The following PROM1 variants were observed in gnomAD, a reference collection of about 807,000 sequenced individuals.
The protein encoded by PROM1 is prominin-1.
PROM1 carries 105 observed loss-of-function variants against 116.9 expected under a neutral mutation model. The observed-to-expected ratio is 0.90, with a 90% confidence interval of 0.77 to 1.06. PROM1 has a LOEUF of 1.06. Ranked by LOEUF, PROM1 falls within the 50% of genes least tolerant of loss-of-function variation. The probability of loss-of-function intolerance (pLI) is 0.00; values close to 1 mark genes in which losing one functional copy is unlikely to be tolerated. For missense variants in PROM1, 1,122 were observed against 1,045.2 expected, an observed-to-expected ratio of 1.07 and a Z score of -1.01; for synonymous variants, 393 against 387.0, an observed-to-expected ratio of 1.02 and a Z score of -0.18.
At chr4:15,989,891 C>A in intron 18 of PROM1, 67 bp from the exon 19 acceptor site, 1 of 1,307,372 alleles carries the variant, frequency 7.6e-7, no homozygotes. Context: ...TCGCTATCCT[C>A]AGGGGCCCTG....
chr4:16,075,770 G>A lies in PROM1; in HGVS notation c.137C>T (p.Ser46Phe). 1 of 1,613,838 alleles carries A rather than the reference G, an allele frequency of 6.2e-7. No individual in the cohort carries two copies. The highest frequency in any genetic ancestry group is 8.5e-7 in the Non-Finnish European group (1 of 1,179,854). Residue 46 changes from serine (S) to phenylalanine (F), a missense_variant, in exon 2 of 28, where the codon TCC becomes TTC. Transcript: ENST00000447510. ...LPATNYETQD[S>F]HKAGPIGILF... The stretch of plus-strand genomic sequence containing the variant: ...AATGCCAATGGGTCCAGCTTTATGG[G>A]AGTCTTGGGTCTCATAATTTGTTGC...
intron 2 of PROM1, among the ~76,000 whole-genome samples, chr4:16,053,703 A>G (rs1189567446): frequency 1.3e-5 from 2 of 152,266 alleles, no homozygotes; most frequent in African/African-American, 2.4e-5. Context: ...AATAAAGCAA[A>G]TATGATAAAA....
intron 13 of PROM1, 109 bp downstream of exon 13, chr4:16,006,429 C>A: frequency 7.6e-7 from 1 of 1,309,330 alleles, no homozygotes; most frequent in Non-Finnish European, 1.0e-6. Flanking sequence ...GGAGCTGGAA[C>A]CCCGCGTACG....
chr4:16,030,529 A>G (rs1037730386), intron 5 of PROM1, among the ~76,000 whole-genome samples: 4 of 152,130 alleles, frequency 2.6e-5, no homozygotes, highest in African/African-American at 9.7e-5. Context: ...GAAAAAACAT[A>G]TATTGATTTG....
intron 5 of PROM1, among the ~76,000 whole-genome samples, chr4:16,026,060 C>T (rs532260616): frequency 2.6e-5 from 4 of 152,228 alleles, no homozygotes; most frequent in South Asian, 2.1e-4. Flanking sequence ...TGGACACTTA[C>T]GCATATGTAC....
intron 19 of PROM1, 84 bp downstream of exon 19, chr4:15,989,648 T>C (rs1720460995): frequency 8.9e-7 from 1 of 1,126,268 alleles, no homozygotes. Flanking sequence ...GATGAGCATG[T>C]GTCGTGAGGC....
At chr4:16,065,238 C>T (rs932342597) in intron 2 of PROM1, among the ~76,000 whole-genome samples, 2 of 152,190 alleles carry the variant, frequency 1.3e-5, no homozygotes, top group South Asian at 4.1e-4. Context: ...CAGACCATGT[C>T]CTCACAACCT....
rs374366958 is a variant in PROM1 at position 15,998,538 on chromosome 4, A to T, written c.1579-50T>A. On this transcript the variant is annotated intron_variant, in intron 14 of 27. Transcript: ENST00000447510. The stretch of plus-strand genomic sequence containing the variant: ...CGAAAAATCAGTTTTACACTAACAT[A>T]CATACTAATATAATAAAATTAATAT... 7.0e-6 allele frequency: 10 copies of T among 1,436,712 alleles called. No homozygotes were observed. In the African/African-American group the frequency reaches 1.2e-4, roughly 17 times the overall value. 89.0% of individuals were successfully genotyped at this position (1,436,712 alleles called of 1,614,324 possible). A position where few individuals can be genotyped will look rare whatever the true frequency, so the allele number is the denominator to read the frequency against.
At chr4:16,023,829 C>T (rs187017688) in intron 7 of PROM1, among the ~76,000 whole-genome samples, 6 of 152,254 alleles carry the variant, frequency 3.9e-5, no homozygotes, top group South Asian at 2.1e-4. Context: ...ATTGTGACAA[C>T]CCAAAATGTC....
chr4:16,055,191 A>T, intron 2 of PROM1: 1 of 308,406 alleles, frequency 3.2e-6, no homozygotes, highest in Non-Finnish European at 6.6e-6. Context: ...CCTAGGCAAG[A>T]CTATTTTCCT....
rs1047895041 is a variant in PROM1, at chr4:15,989,794, T to C, written c.2014A>G (p.Arg672Gly). 3 of 1,608,870 alleles carry C rather than the reference T, an allele frequency of 1.9e-6. No individual in the cohort carries two copies. Among genetic ancestry groups the C allele is most frequent in the Admixed American group, 3.4e-5 (2 of 59,410 alleles). The change falls in exon 19 of 28, where the codon AGA becomes GGA. Residue 672 changes from arginine to glycine, a missense_variant. Physicochemically the swap from Arg to Gly is moderately radical, Grantham distance 125. Transcript: ENST00000447510. The stretch of plus-strand genomic sequence containing the variant: ...ATTGTTTTAATAGTTTGTGCATCTC[T>C]TTTCAGGGAGTTCCTCAAATTTCCT... ...PPGNLRNSLK[R>G]DAQTIKTIHQ...
At chr4:16,037,530 C>A (rs1465952428) in intron 3 of PROM1, among the ~76,000 whole-genome samples, 1 of 152,110 alleles carries the variant, frequency 6.6e-6, no homozygotes, top group Admixed American at 6.6e-5. Context: ...TCTGAGGTAA[C>A]GATTCACTGG....
chr4:16,040,682 C>T (rs1175290900), intron 2 of PROM1, among the ~76,000 whole-genome samples: 1 of 152,166 alleles, frequency 6.6e-6, no homozygotes, highest in Non-Finnish European at 1.5e-5. Context: ...AATAAGACGT[C>T]CCTACTCTCA....
chr4:16,024,838 A>C (rs1730837884), intron 6 of PROM1, among the ~76,000 whole-genome samples: 1 of 152,210 alleles, frequency 6.6e-6, no homozygotes, highest in Non-Finnish European at 1.5e-5. Context: ...ACTTTGTACA[A>C]GTGATGGAAA....
intron 2 of PROM1, among the ~76,000 whole-genome samples, chr4:16,041,777 A>ATAT (rs1735324775): frequency 7.5e-5 from 2 of 26,758 alleles, no homozygotes; most frequent in African/African-American, 8.8e-5. Context: ...TAAATAAATA[A>ATAT]ATAAATAAAT....
intron 3 of PROM1, among the ~76,000 whole-genome samples, chr4:16,037,376 A>G (rs1311042357): frequency 6.6e-6 from 1 of 152,210 alleles, no homozygotes; most frequent in Non-Finnish European, 1.5e-5. Context: ...CCCTGGGAAC[A>G]GCTCAGTTCA....
intron 5 of PROM1, among the ~76,000 whole-genome samples, chr4:16,029,978 CCTT>C (rs1732267481): frequency 1.3e-5 from 2 of 152,272 alleles, no homozygotes; most frequent in South Asian, 2.1e-4. Context: ...ACATTCTTGT[CCTT>C]CTTATTTTTA....
chr4:16,023,254 G>C (rs1730357983), intron 8 of PROM1, 72 bp downstream of exon 8: 1 of 1,328,154 alleles, frequency 7.5e-7, no homozygotes, highest in Non-Finnish European at 1.1e-6. Flanking sequence ...AACAAGAAAA[G>C]AGTGAGCAAG....
intron 23 of PROM1, among the ~76,000 whole-genome samples, chr4:15,981,961 T>C (rs1369930980): frequency 6.6e-6 from 1 of 152,182 alleles, no homozygotes; most frequent in Non-Finnish European, 1.5e-5. Context: ...AAGGGGACAT[T>C]TGTCCTCAGT....
Sources: gnomAD v4.1 joint callset for allele counts (sites outside exome capture counted in the v4.1 genomes callset) on GRCh38, gnomAD v4.1.1 for gene constraint, MANE v1.5 for transcripts, NCBI Gene and HGNC (gene_info 2026-07-23, HGNC 2026-07-21) for gene names.